Variants in PGBD1 observed in about 807,000 individuals in gnomAD.
PGBD1 encodes piggyBac transposable element derived 1.
Under a neutral mutation model 34.7 loss-of-function variants are expected in PGBD1, and 25 were observed. The observed-to-expected ratio is 0.72, with a 90% CI of 0.52 to 1.00. The LOEUF (loss-of-function observed/expected upper bound fraction) is 1.00, where lower values mean the gene tolerates loss of function less well. Ranked by LOEUF, PGBD1 falls within the 50% of genes least tolerant of loss-of-function variation. The pLI is 0.00. For missense variants in PGBD1, 830 were observed against 959.4 expected, an observed-to-expected ratio of 0.87 and a Z score of 1.78; for synonymous variants, 292 against 335.7, an observed-to-expected ratio of 0.87 and a Z score of 1.42.
rs747059585 is a variant in PGBD1, at chr6:28,301,781, G to A, written c.1927G>A (p.Gly643Arg). 1 of 1,614,014 alleles carries A rather than the reference G, an allele frequency of 6.2e-7. No homozygotes were observed. Among genetic ancestry groups the A allele is most frequent in the African/African-American group, 1.3e-5 (1 of 74,902 alleles). The change falls in exon 7 of 7, where the codon GGG becomes AGG. Residue 643 changes from glycine to arginine, a missense_variant. Transcript: ENST00000682144. ...ATTGTTGTCAGCCTTGAAAAAGAAG[G>A]GGGTGAGGGCAACAGGAACAATTCG... ...VKLLSALKKK[G>R]VRATGTIREN...
chr6:28,301,802 A>G lies in PGBD1; in HGVS notation c.1948A>G (p.Ile650Val), dbSNP rs115701378. 1 of 1,614,200 alleles carries G rather than the reference A, an allele frequency of 6.2e-7. No individual in the cohort carries two copies. The highest frequency in any genetic ancestry group is 1.3e-5 in the African/African-American group (1 of 75,060). Reference protein sequence around the residue: ...KKKGVRATGTIRENRTEKCPL... With the variant: ...KKKGVRATGTVRENRTEKCPL... ...GAAGGGGGTGAGGGCAACAGGAACA[A>G]TTCGTGAGAACAGGACCGAAAAATG... Residue 650 changes from isoleucine to valine, a missense_variant, in exon 7 of 7, where the codon ATT becomes GTT. Ile to Val is a conservative substitution (Grantham distance 29). This residue lies in a region of PGBD1 where 372 missense variants were observed against 427.9 expected (regional missense o/e 0.87). Coordinates refer to ENST00000682144, the MANE Select transcript of PGBD1 (RefSeq NM_032507.4).
intron 3 of PGBD1, 74 bp downstream of exon 3, chr6:28,285,781 A>G (rs1762270043): frequency 6.9e-7 from 1 of 1,453,336 alleles, no homozygotes; most frequent in Non-Finnish European, 9.4e-7. Flanking sequence ...CTTGACCTCA[A>G]GTTTGTATAC....
At position 28,301,016 on chromosome 6, in the gene PGBD1, A is replaced by G. The variant is rs772969357; in HGVS notation, c.1162A>G (p.Lys388Glu). The change falls in exon 7 of 7, where the codon AAG becomes GAG. Residue 388 changes from lysine to glutamate, a missense_variant. By Grantham distance (56) the Lys-to-Glu change is moderately conservative. This residue lies in a region of PGBD1 where 457 missense variants were observed against 515.4 expected (regional missense o/e 0.89). Transcript: ENST00000682144. ...GTTAAAGGTATCATGTTTCCCAGAA[A>G]AGAGTTGGACCAAAAGAGACATTAA... Reference protein sequence around the residue: ...KKLKVSCFPEKSWTKRDIKPN... With the variant: ...KKLKVSCFPEESWTKRDIKPN... The G allele has an allele frequency of 5.0e-6, 8 of 1,614,180 alleles. No individual in the cohort carries two copies. Among genetic ancestry groups the G allele is most frequent in the Non-Finnish European group, 6.8e-6 (8 of 1,180,034 alleles).
At chr6:28,293,216 C>T (rs1380980462) in intron 4 of PGBD1, among the ~76,000 whole-genome samples, 1 of 152,164 alleles carries the variant, frequency 6.6e-6, no homozygotes, top group African/African-American at 2.4e-5. Flanking sequence ...GCTGGGATTA[C>T]AGGCATGAGC....
Position 28,281,723 on chromosome 6 carries a change from T to A in PGBD1, c.-234T>A. 3.5e-6 allele frequency: 1 copy of A among 283,126 alleles called. No individual in the cohort carries two copies. Among genetic ancestry groups the A allele is most frequent in the Non-Finnish European group, 6.5e-6 (1 of 153,666 alleles). 17.5% of individuals were successfully genotyped at this position (283,126 alleles called of 1,614,324 possible). A position where few individuals can be genotyped will look rare whatever the true frequency, so the allele number is the denominator to read the frequency against. On this transcript the variant is annotated 5_prime_UTR_variant, in exon 1 of 7. Coordinates refer to ENST00000682144, the MANE Select transcript of PGBD1 (RefSeq NM_032507.4). ...TTCACGAGGTCAGCTACGTCTTTGT[T>A]GTGCGCGTTCCTGAACTTTTGGTCC...
rs573519934 is a variant in PGBD1, at chr6:28,281,604, G to T, written c.-353G>T. 2 of 384,326 alleles carry T rather than the reference G, an allele frequency of 5.2e-6. No individual in the cohort carries two copies. The highest frequency in any genetic ancestry group is 2.9e-4 in the South Asian group (2 of 6,890). 23.8% of individuals were successfully genotyped at this position (384,326 alleles called of 1,614,324 possible). A position where few individuals can be genotyped will look rare whatever the true frequency, so the allele number is the denominator to read the frequency against. Reference sequence around the variant, plus strand: ...CCCAGCTGCTGGAGGCGCCGGCAGCGCCCGCCAGACCCGCCAGCCCAGCGG... The same window carrying T: ...CCCAGCTGCTGGAGGCGCCGGCAGCTCCCGCCAGACCCGCCAGCCCAGCGG... On this transcript the variant is annotated 5_prime_UTR_variant, in exon 1 of 7. Transcript: ENST00000682144.
intron 4 of PGBD1, among the ~76,000 whole-genome samples, chr6:28,293,176 A>C (rs775215783): frequency 6.6e-6 from 1 of 152,030 alleles, no homozygotes; most frequent in Non-Finnish European, 1.5e-5. Context: ...CTCCTGACCT[A>C]GTGATGTGCC....
Position 28,288,850 on chromosome 6 carries a change from G to A in PGBD1, c.642+1682G>A, listed in dbSNP as rs538569775. 1.3e-3 allele frequency among the ~76,000 whole-genome samples: 193 copies of A among 152,074 alleles called. 1 individual carries two copies. The highest frequency in any genetic ancestry group is 4.3e-3 in the African/African-American group (180 of 41,514). ...TAAAAATACAAAAAAAAGGAGCCAG[G>A]TGTGGCAGGCACCTGCAATGCCAGC... is the stretch of plus-strand genomic sequence containing the variant. On this transcript the variant is annotated intron_variant, in intron 4 of 6. Coordinates refer to ENST00000682144, the MANE Select transcript of PGBD1 (RefSeq NM_032507.4).
In PGBD1 at chr6:28,287,114, A is replaced by T. The variant is rs1266963292; in HGVS notation, c.588A>T (p.Glu196Asp). Residue 196 changes from glutamate (E) to aspartate (D), a missense_variant, in exon 4 of 7, where the codon GAA (glutamate) becomes GAT (aspartate). Glu to Asp is a conservative substitution (Grantham distance 45). Coordinates refer to ENST00000682144, the MANE Select transcript of PGBD1 (RefSeq NM_032507.4). ...CCCACGGATCAGCTCATCTCCAGGA[A>T]AAAAACCCCAGAGACAAGGCTGTAG... ...PVPHGSAHLQEKNPRDKAVVP... is the reference protein window; with the variant it reads ...PVPHGSAHLQDKNPRDKAVVP... 1 of 1,614,098 alleles carries T rather than the reference A, an allele frequency of 6.2e-7. No individual in the cohort carries two copies. Among genetic ancestry groups the T allele is most frequent in the Non-Finnish European group, 8.5e-7 (1 of 1,180,000 alleles).
chr6:28,300,767 G>A lies in PGBD1; in HGVS notation c.913G>A (p.Glu305Lys). The A allele has an allele frequency of 6.2e-7, 1 of 1,613,984 alleles. No individual in the cohort carries two copies. Among genetic ancestry groups the A allele is most frequent in the Non-Finnish European group, 8.5e-7 (1 of 1,179,992 alleles). Residue 305 changes from glutamate to lysine, a missense_variant, in exon 7 of 7, where the codon GAA becomes AAA. By Grantham distance (56) the Glu-to-Lys change is moderately conservative. Coordinates refer to ENST00000682144, the MANE Select transcript of PGBD1 (RefSeq NM_032507.4). This position sits in a 1 kb window ranked among gnomAD's most constrained non-coding sequence, Gnocchi z 4.0. Reference sequence around the variant, plus strand: ...TCCTTGTAGTACTCCTATTGCTACTGAAAGGACAGTTGCACATTTGAACAC... The same window carrying A: ...TCCTTGTAGTACTCCTATTGCTACTAAAAGGACAGTTGCACATTTGAACAC... ...QIPCSTPIAT[E>K]RTVAHLNTLK...
chr6:28,292,675 G>GA (rs139491133), intron 4 of PGBD1, among the ~76,000 whole-genome samples: 3,295 of 150,228 alleles, frequency 0.022, 73 homozygotes, highest in African/African-American at 0.06. Flanking sequence ...ACAAAAATCA[G>GA]AAAAAAAAAT....
chr6:28,288,219 C>G (rs1206847179), intron 4 of PGBD1, among the ~76,000 whole-genome samples: 1 of 152,126 alleles, frequency 6.6e-6, no homozygotes, highest in African/African-American at 2.4e-5. Flanking sequence ...TGAATTATGT[C>G]CCTCCAAAAG....
At chr6:28,287,839 C>A (rs1762333433) in intron 4 of PGBD1, among the ~76,000 whole-genome samples, 2 of 152,168 alleles carry the variant, frequency 1.3e-5, no homozygotes, top group African/African-American at 4.8e-5. Flanking sequence ...TTAACAAATA[C>A]TTCCTGATAA....
At chr6:28,291,124 CAAAA>C (rs555039853) in intron 4 of PGBD1, among the ~76,000 whole-genome samples, 16 of 68,472 alleles carry the variant, frequency 2.3e-4, no homozygotes, top group East Asian at 4.5e-4. Context: ...AAATTGAGAC[CAAAA>C]AAAAAAAAAA....
intron 4 of PGBD1, among the ~76,000 whole-genome samples, chr6:28,294,973 G>A (rs2113753056): frequency 6.6e-6 from 1 of 152,264 alleles, no homozygotes; most frequent in African/African-American, 2.4e-5. Context: ...ATGGATCTGG[G>A]CAAAGTAAAT....
Position 28,283,812 on chromosome 6 carries a change from A to G in PGBD1, c.-2A>G, listed in dbSNP as rs1275403755. 1 of 1,582,516 alleles carries G rather than the reference A, an allele frequency of 6.3e-7. No individual in the cohort carries two copies. The highest frequency in any genetic ancestry group is 1.7e-5 in the Admixed American group (1 of 57,378). ...AGTGAAGCTTTAGCCTCTAAGCTCA[A>G]CATGTATGAAGCTTTGCCAGGCCCT... is the stretch of plus-strand genomic sequence containing the variant. On this transcript the variant is annotated 5_prime_UTR_variant, in exon 2 of 7. Transcript: ENST00000682144.
intron 4 of PGBD1, among the ~76,000 whole-genome samples, chr6:28,293,975 A>T (rs957643276): frequency 1.3e-5 from 2 of 152,256 alleles, no homozygotes; most frequent in Non-Finnish European, 2.9e-5. Context: ...TAAGGAAGGC[A>T]TGTTGAAAGC....
chr6:28,285,112 C>G (rs913401050), intron 2 of PGBD1, among the ~76,000 whole-genome samples: 2 of 152,130 alleles, frequency 1.3e-5, no homozygotes, highest in African/African-American at 4.8e-5. Context: ...TTTTTGGAGA[C>G]TATCCCTCAA....
At chr6:28,285,310 A>G (rs1284702096) in intron 2 of PGBD1, among the ~76,000 whole-genome samples, 2 of 152,156 alleles carry the variant, frequency 1.3e-5, no homozygotes, top group African/African-American at 4.8e-5. Flanking sequence ...TCCCCTTTGT[A>G]ATTACTAAGT....
Sources: gnomAD v4.1 joint callset for allele counts (sites outside exome capture counted in the v4.1 genomes callset) on GRCh38, gnomAD v4.1.1 for gene constraint, gnomAD v4.1.1 regional missense constraint, Gnocchi (gnomAD v3.1) non-coding constraint, MANE v1.5 for transcripts, NCBI Gene and HGNC (gene_info 2026-07-23, HGNC 2026-07-21) for gene names.